ITPR3: variants seen among roughly 807,000 people sequenced by gnomAD.
The protein encoded by ITPR3 is inositol 1,4,5-trisphosphate-gated calcium channel ITPR3.
ITPR3 carries 173 observed loss-of-function variants against 293.2 expected under a neutral mutation model. That is an observed-to-expected ratio of 0.59 (90% CI 0.52 to 0.67). The LOEUF (loss-of-function observed/expected upper bound fraction) is 0.67. Among genes scored for constraint, ITPR3 ranks in the 30% least tolerant of loss-of-function variants. The pLI is 0.00. For missense variants in ITPR3, 2,796 were observed against 3,592.1 expected (o/e 0.78, Z 5.66); for synonymous variants, 1,295 against 1,444.4 (o/e 0.90, Z 2.35).
Position 33,688,791 on chromosome 6 carries a change from CAG to C in ITPR3, c.6694+11_6694+12del, listed in dbSNP as rs1486336311. The C allele has an allele frequency of 6.2e-7, 1 of 1,614,106 alleles. No homozygotes were observed. On this transcript the variant is annotated intron_variant, in intron 49 of 57. Coordinates refer to ENST00000605930, the MANE Select transcript of ITPR3 (RefSeq NM_002224.4). ...GAGGGCGCGTCCACAGGTGAGAACA[CAG>C]GGCTGGCCGGCAGGTTCCCCGGGCC...
chr6:33,691,010 G>A lies in ITPR3; in HGVS notation c.7126G>A (p.Ala2376Thr). The A allele has an allele frequency of 6.2e-7, 1 of 1,614,174 alleles. No homozygotes were observed. Among genetic ancestry groups the A allele is most frequent in the Non-Finnish European group, 8.5e-7 (1 of 1,180,026 alleles). Residue 2376 changes from alanine to threonine, a missense_variant, in exon 52 of 58, where the codon GCC (alanine) becomes ACC (threonine). Physicochemically the swap from Ala to Thr is moderately conservative, Grantham distance 58. This residue lies in a region of ITPR3 where 568 missense variants were observed against 796.1 expected (regional missense o/e 0.71). Transcript: ENST00000605930. The surrounding 1 kb of genome is among the most constrained non-coding windows in gnomAD (Gnocchi z 4.9). ...CTCCATCCTGCTGACAGCCCTGCTG[G>A]CCCTCATCCTGGTCTACCTCTTCTC... ...GRSILLTALL[A>T]LILVYLFSIV...
intron 1 of ITPR3, among the ~76,000 whole-genome samples, chr6:33,639,374 G>A (rs1230735221): frequency 8.4e-6 from 1 of 119,046 alleles, no homozygotes. Context: ...GTGAAACTCT[G>A]TCTCAAAAAA....
intron 21 of ITPR3, among the ~76,000 whole-genome samples, chr6:33,671,746 C>A (rs936370452): frequency 1.3e-5 from 2 of 152,156 alleles, no homozygotes; most frequent in African/African-American, 4.8e-5. Flanking sequence ...CTCTCAGCCC[C>A]CAGGCTGTGT....
At chr6:33,690,236 A>C in intron 51 of ITPR3, 38 bp downstream of exon 51, 10 of 995,458 alleles carry the variant, frequency 1.0e-5, no homozygotes, top group Non-Finnish European at 1.5e-5. Context: ...GGATGGGGGC[A>C]TGGGGTGGTT....
chr6:33,685,876 A>G, intron 41 of ITPR3, 49 bp downstream of exon 41: 1 of 1,544,998 alleles, frequency 6.5e-7, no homozygotes, highest in East Asian at 2.3e-5. Context: ...GCCAGCCGGC[A>G]TGCAGACTAG....
rs552554208 is a variant in ITPR3, at chr6:33,624,794, C to T, written c.89+3103C>T. Among the ~76,000 whole-genome samples the T allele has an allele frequency of 3.3e-5, 5 of 152,310 alleles. No homozygotes were observed. The highest frequency in any genetic ancestry group is 5.9e-5 in the Non-Finnish European group (4 of 68,028). ...CTTGGTGGGCAGATGGGCCAGGTCA[C>T]CTGGGAGATGGGAAGGGGGCATTAG... On this transcript the variant is annotated intron_variant, in intron 1 of 57. Coordinates refer to ENST00000605930, the MANE Select transcript of ITPR3 (RefSeq NM_002224.4). This position sits in a 1 kb window ranked among gnomAD's most constrained non-coding sequence, Gnocchi z 4.7.
intron 6 of ITPR3, 67 bp downstream of exon 6, chr6:33,659,186 C>A: frequency 7.1e-7 from 1 of 1,406,788 alleles, no homozygotes; most frequent in Middle Eastern, 2.3e-4. Context: ...TGTAGACACC[C>A]CGCTCCCTGC....
Position 33,670,409 on chromosome 6 carries a change from C to A in ITPR3, c.2274C>A (p.Asp758Glu), listed in dbSNP as rs1192378544. ...AGATCTCCCAGCAGCTGGGCGTGGA[C>A]CTGATTTTCCTGTGCATGGCAGACG... ...IDEISQQLGV[D>E]LIFLCMADEM... is the part of the protein sequence containing the mutation. Residue 758 changes from aspartate to glutamate, a missense_variant, in exon 19 of 58, where the codon GAC (aspartate) becomes GAA (glutamate). Physicochemically the swap from Asp to Glu is conservative, Grantham distance 45. This residue lies in a region of ITPR3 where 955 missense variants were observed against 1,180.8 expected (regional missense o/e 0.81). Transcript: ENST00000605930. The surrounding 1 kb of genome is among the most constrained non-coding windows in gnomAD (Gnocchi z 6.7). 6.8e-6 allele frequency: 11 copies of A among 1,613,986 alleles called. No individual in the cohort carries two copies. The highest frequency in any genetic ancestry group is 9.3e-6 in the Non-Finnish European group (11 of 1,180,038).
chr6:33,652,672 G>C (rs375074959), intron 2 of ITPR3, among the ~76,000 whole-genome samples: 1 of 152,016 alleles, frequency 6.6e-6, no homozygotes, highest in Non-Finnish European at 1.5e-5. Context: ...CACCACGTTG[G>C]TCAGGCTGGT....
intron 56 of ITPR3, 115 bp from the exon 57 acceptor site, chr6:33,694,809 A>C: frequency 7.6e-7 from 1 of 1,314,374 alleles, no homozygotes; most frequent in Non-Finnish European, 1.1e-6. Context: ...CACATCCCTG[A>C]CGAGTAGTTT....
At position 33,669,012 on chromosome 6, in the gene ITPR3, A is replaced by C; in HGVS notation, c.2045A>C (p.Tyr682Ser). 1.2e-6 allele frequency: 2 copies of C among 1,614,086 alleles called. No homozygotes were observed. Among genetic ancestry groups the C allele is most frequent in the Non-Finnish European group, 1.7e-6 (2 of 1,180,004 alleles). ...AAGGAGATGGCCCAATCCCACGAGTACCTGAGCATCGAGTACTCAGAAGAG... is the reference window on the plus strand; with the variant it reads ...AAGGAGATGGCCCAATCCCACGAGTCCCTGAGCATCGAGTACTCAGAAGAG... ...PVKEMAQSHE[Y>S]LSIEYSEEEV... Residue 682 changes from tyrosine to serine, a missense_variant, in exon 18 of 58, where the codon TAC (tyrosine) becomes TCC (serine). Transcript: ENST00000605930.
chr6:33,636,599 G>A (rs1763829509), intron 1 of ITPR3, among the ~76,000 whole-genome samples: 1 of 151,968 alleles, frequency 6.6e-6, no homozygotes, highest in African/African-American at 2.4e-5. Context: ...TGGAAGGATG[G>A]AGTTGCCATC....
rs772274152 is a variant in ITPR3 at position 33,655,747 on chromosome 6, C to A, written c.161-19C>A. On this transcript the variant is annotated intron_variant, in intron 2 of 57. Transcript: ENST00000605930. The surrounding 1 kb of genome is among the most constrained non-coding windows in gnomAD (Gnocchi z 4.9). Reference sequence around the variant, plus strand: ...CCCAGATGAATCATTCCCCTCACCCCCAACCTGCCCCACCACAGACTGCCT... The same window carrying A: ...CCCAGATGAATCATTCCCCTCACCCACAACCTGCCCCACCACAGACTGCCT... 6.2e-7 allele frequency: 1 copy of A among 1,613,932 alleles called. No homozygotes were observed. The highest frequency in any genetic ancestry group is 2.2e-5 in the East Asian group (1 of 44,878).
chr6:33,668,649 C>T lies in ITPR3; in HGVS notation c.2006+15C>T, dbSNP rs1561867814. 1.4e-5 allele frequency: 23 copies of T among 1,614,048 alleles called. No homozygotes were observed. The highest frequency in any genetic ancestry group is 1.9e-5 in the Non-Finnish European group (23 of 1,179,968). On this transcript the variant is annotated intron_variant, in intron 17 of 57. Transcript: ENST00000605930. ...ATCCGGACCGAGTGAGCCCTGTGCCCCCTGCCCGCACTTGGGCTCCACGCT... is the reference window on the plus strand; with the variant it reads ...ATCCGGACCGAGTGAGCCCTGTGCCTCCTGCCCGCACTTGGGCTCCACGCT...
At chr6:33,680,916 G>A (rs900305307) in intron 33 of ITPR3, among the ~76,000 whole-genome samples, 3 of 150,652 alleles carry the variant, frequency 2.0e-5, no homozygotes, top group Admixed American at 6.6e-5. Context: ...TGCCTCCTGG[G>A]TTCACGCCAT....
Position 33,679,268 on chromosome 6 carries a change from G to T in ITPR3, c.3972+429G>T, listed in dbSNP as rs1330694649. On this transcript the variant is annotated intron_variant, in intron 30 of 57. Transcript: ENST00000605930. The surrounding 1 kb of genome is among the most constrained non-coding windows in gnomAD (Gnocchi z 4.2). ...CATCGCCAGGGCCCCAGTGTGTGGC[G>T]CATAGTAGGTTCTCAACAGACACCT... Among the ~76,000 whole-genome samples, 3 of 152,154 alleles carry T rather than the reference G, an allele frequency of 2.0e-5. No individual in the cohort carries two copies. Among genetic ancestry groups the T allele is most frequent in the African/African-American group, 7.2e-5 (3 of 41,420 alleles).
chr6:33,680,482 A>G (rs1441491624), intron 32 of ITPR3, 28 bp downstream of exon 32: 2 of 1,611,672 alleles, frequency 1.2e-6, no homozygotes, highest in African/African-American at 1.3e-5. Context: ...GTGTGGGTGA[A>G]GCCCCCCAGG....
At chr6:33,676,563 G>A (rs1192972443) in intron 25 of ITPR3, among the ~76,000 whole-genome samples, 2 of 152,182 alleles carry the variant, frequency 1.3e-5, no homozygotes, top group African/African-American at 2.4e-5. Context: ...GGCAGTGCAG[G>A]GAGGCCTGTG....
In ITPR3 at chr6:33,662,595, A is replaced by C. The variant is rs758880571; in HGVS notation, c.779A>C (p.Lys260Thr). ...KFLTCDEYKG[K>T]LQVFLRTTLR... ...CTGACGTGTGACGAGTACAAGGGCA[A>C]GCTGCAGGTGTTCCTGCGAACTACA... is the stretch of plus-strand genomic sequence containing the variant. Residue 260 changes from lysine (K) to threonine (T), a missense_variant, in exon 8 of 58, where the codon AAG becomes ACG. Lys to Thr is a moderately conservative substitution (Grantham distance 78). This residue lies in a region of ITPR3 where 955 missense variants were observed against 1,180.8 expected (regional missense o/e 0.81). Transcript: ENST00000605930. 10 of 1,612,390 alleles carry C rather than the reference A, an allele frequency of 6.2e-6. No homozygotes were observed. The highest frequency in any genetic ancestry group is 8.5e-6 in the Non-Finnish European group (10 of 1,179,890).
Sources: allele counts gnomAD v4.1 joint callset (sites outside exome capture counted in the v4.1 genomes callset), GRCh38; gene constraint gnomAD v4.1.1; regional missense constraint gnomAD v4.1.1; non-coding constraint Gnocchi (gnomAD v3.1); transcripts MANE v1.5; gene names NCBI Gene and HGNC (gene_info 2026-07-23, HGNC 2026-07-21).